GPA33: variants seen among roughly 807,000 people sequenced by gnomAD.
GPA33 encodes the protein glycoprotein A33.
GPA33 carries 27 observed loss-of-function variants against 35.6 expected under a neutral mutation model. That is an observed-to-expected ratio of 0.76 (90% CI 0.56 to 1.04). The LOEUF (loss-of-function observed/expected upper bound fraction) is 1.04. Among genes scored for constraint, GPA33 ranks in the 50% least tolerant of loss-of-function variants. The pLI is 0.00. For missense variants in GPA33, 428 were observed against 411.9 expected (o/e 1.04, Z -0.34); for synonymous variants, 176 against 164.0 (o/e 1.07, Z -0.56).
At position 167,054,309 on chromosome 1, in the gene GPA33, T is replaced by C; in HGVS notation, c.*25A>G. The C allele has an allele frequency of 6.2e-7, 1 of 1,613,276 alleles. No homozygotes were observed. Among genetic ancestry groups the C allele is most frequent in the South Asian group, 1.1e-5 (1 of 91,040 alleles). On this transcript the variant is annotated 3_prime_UTR_variant, in exon 7 of 7. Coordinates refer to ENST00000367868, the MANE Select transcript of GPA33 (RefSeq NM_005814.3). ...GGGAGAATGAACCCCTAACCCTTCC[T>C]CCGCCGCCCTCTGCTGCTGGCCTGT...
At chr1:167,086,463 A>G (rs1260677679) in intron 1 of GPA33, among the ~76,000 whole-genome samples, 1 of 152,238 alleles carries the variant, frequency 6.6e-6, no homozygotes, top group African/African-American at 2.4e-5. Flanking sequence ...CACAGAGCTT[A>G]GACATGTGAC....
intron 1 of GPA33, among the ~76,000 whole-genome samples, chr1:167,086,198 T>C (rs776254730): frequency 6.6e-6 from 1 of 152,252 alleles, no homozygotes; most frequent in Non-Finnish European, 1.5e-5. Context: ...AGCACTGGCT[T>C]CTGACTTGTG....
At chr1:167,059,909 C>T (rs535548603) in intron 4 of GPA33, among the ~76,000 whole-genome samples, 5 of 152,108 alleles carry the variant, frequency 3.3e-5, no homozygotes, top group Non-Finnish European at 7.3e-5. Context: ...AGGGTTTAGT[C>T]AAAGGAATGA....
chr1:167,070,627 C>A (rs1666699996), intron 2 of GPA33, among the ~76,000 whole-genome samples: 1 of 152,072 alleles, frequency 6.6e-6, no homozygotes, highest in Non-Finnish European at 1.5e-5. Flanking sequence ...TGCTAGAGAG[C>A]CATGTATTTA....
intron 5 of GPA33, 146 bp from the exon 6 acceptor site, chr1:167,055,257 G>A (rs1205005126): frequency 4.1e-6 from 3 of 733,196 alleles, no homozygotes; most frequent in Non-Finnish European, 6.7e-6. Flanking sequence ...CATGGCCCAG[G>A]AATATTCTTC....
intron 1 of GPA33, among the ~76,000 whole-genome samples, chr1:167,088,318 C>A (rs998213776): frequency 5.3e-5 from 8 of 152,166 alleles, no homozygotes; most frequent in Non-Finnish European, 7.4e-5. Context: ...TTTTGGTCGA[C>A]CTTTGAAGGT....
chr1:167,077,377 A>G (rs1455615143), intron 1 of GPA33, among the ~76,000 whole-genome samples: 1 of 152,134 alleles, frequency 6.6e-6, no homozygotes, highest in East Asian at 1.9e-4. Flanking sequence ...AGTCATGGCA[A>G]CTGCCACTGA....
chr1:167,057,721 C>T (rs929706601), intron 4 of GPA33, among the ~76,000 whole-genome samples: 1 of 152,194 alleles, frequency 6.6e-6, no homozygotes, highest in African/African-American at 2.4e-5. Context: ...TACACATCCT[C>T]AAATGTGATG....
chr1:167,060,907 C>T (rs932973801), intron 4 of GPA33, among the ~76,000 whole-genome samples: 3 of 152,232 alleles, frequency 2.0e-5, no homozygotes, highest in Admixed American at 2.0e-4. Flanking sequence ...ATGATTCCTT[C>T]CTGTTCTCCA....
intron 3 of GPA33, among the ~76,000 whole-genome samples, chr1:167,065,150 G>T (rs1666564695): frequency 6.6e-6 from 1 of 152,194 alleles, no homozygotes; most frequent in Non-Finnish European, 1.5e-5. Flanking sequence ...CAGTGGGTGG[G>T]TCAAGGAATC....
intron 1 of GPA33, among the ~76,000 whole-genome samples, chr1:167,079,508 A>G (rs1666884964): frequency 6.6e-6 from 1 of 152,106 alleles, no homozygotes; most frequent in African/African-American, 2.4e-5. Flanking sequence ...AAAAGAAAAA[A>G]AAGAAAACTT....
At chr1:167,086,961 T>G (rs1667061501) in intron 1 of GPA33, among the ~76,000 whole-genome samples, 1 of 152,152 alleles carries the variant, frequency 6.6e-6, no homozygotes, top group Non-Finnish European at 1.5e-5. Context: ...GTTCAGTGAC[T>G]TTTGTCTCCT....
intron 1 of GPA33, among the ~76,000 whole-genome samples, chr1:167,081,152 A>G (rs765637791): frequency 6.6e-6 from 1 of 152,248 alleles, no homozygotes; most frequent in Non-Finnish European, 1.5e-5. Context: ...TCTCTTGAGA[A>G]CTAAATGGAA....
intron 1 of GPA33, among the ~76,000 whole-genome samples, chr1:167,076,185 C>G (rs1666820305): frequency 1.3e-5 from 2 of 152,254 alleles, no homozygotes; most frequent in Admixed American, 6.5e-5. Context: ...AAAAATAATA[C>G]TTTTACACTG....
intron 1 of GPA33, among the ~76,000 whole-genome samples, chr1:167,082,810 A>G (rs1183879845): frequency 6.6e-6 from 1 of 152,170 alleles, no homozygotes; most frequent in Non-Finnish European, 1.5e-5. Flanking sequence ...TGTTCTGCCC[A>G]TGCCTGGTGT....
At chr1:167,088,840 G>C (rs1377432166) in intron 1 of GPA33, among the ~76,000 whole-genome samples, 1 of 152,190 alleles carries the variant, frequency 6.6e-6, no homozygotes, top group African/African-American at 2.4e-5. Flanking sequence ...GAAGATGGGA[G>C]AATCACTGGC....
rs547397778 is a variant in GPA33, at chr1:167,071,630, C to T, written c.198+1755G>A. ...CAAGATGGGAGATGCAAAGGTGTCT[C>T]GGGCTGTGGATCAGTCCATGGATAC... On this transcript the variant is annotated intron_variant, in intron 2 of 6. Transcript: ENST00000367868. Among the ~76,000 whole-genome samples the T allele has an allele frequency of 1.4e-4, 21 of 152,298 alleles. No homozygotes were observed. In the South Asian group the frequency reaches 4.3e-3, roughly 32 times the overall value.
intron 3 of GPA33, among the ~76,000 whole-genome samples, chr1:167,066,867 C>T (rs914577635): frequency 2.0e-5 from 3 of 152,158 alleles, no homozygotes; most frequent in East Asian, 3.9e-4. Flanking sequence ...CAGCCGAAAC[C>T]GAGACTGAGA....
intron 4 of GPA33, among the ~76,000 whole-genome samples, chr1:167,059,586 C>T (rs1416180596): frequency 6.6e-6 from 1 of 152,036 alleles, no homozygotes; most frequent in Non-Finnish European, 1.5e-5. Context: ...CCTTCACAAC[C>T]GCCTCCCCTT....
Sources: allele counts gnomAD v4.1 joint callset (sites outside exome capture counted in the v4.1 genomes callset), GRCh38; gene constraint gnomAD v4.1.1; transcripts MANE v1.5; gene names NCBI Gene and HGNC (gene_info 2026-07-23, HGNC 2026-07-21).